Variants in TMEM233 observed in about 807,000 individuals in gnomAD.
The protein encoded by TMEM233 is transmembrane protein 233, also known as dispanin subfamily B member 2.
Under a neutral mutation model 11.2 loss-of-function variants are expected in TMEM233, and 6 were observed. The ratio of observed to expected loss-of-function variants is 0.54; its 90% confidence interval spans 0.29 to 1.06. The LOEUF is 1.06. Ranked by LOEUF, TMEM233 falls within the 50% of genes least tolerant of loss-of-function variation. TMEM233 has a pLI of 0.08. For missense variants in TMEM233, 127 were observed against 144.7 expected (o/e 0.88, Z 0.63); for synonymous variants, 59 against 55.8 (o/e 1.06, Z -0.26).
At chr12:119,601,321 T>C (rs1954158866) in intron 1 of TMEM233, among the ~76,000 whole-genome samples, 1 of 152,132 alleles carries the variant, frequency 6.6e-6, no homozygotes, top group Non-Finnish European at 1.5e-5. Context: ...ACATATGGAC[T>C]AACAATGGCT....
chr12:119,617,603 GT>G (rs1954561828), intron 1 of TMEM233, among the ~76,000 whole-genome samples: 1 of 152,170 alleles, frequency 6.6e-6, no homozygotes, highest in Non-Finnish European at 1.5e-5. Flanking sequence ...AGAGGCCAAG[GT>G]GGGCAGATTA....
chr12:119,635,488 G>GT (rs1450369418), intron 2 of TMEM233, among the ~76,000 whole-genome samples: 1 of 152,218 alleles, frequency 6.6e-6, no homozygotes, highest in Non-Finnish European at 1.5e-5. Context: ...AAGATAAACA[G>GT]TTTTTCTTCT....
rs1954128378 is a variant in TMEM233, at chr12:119,600,023, T to C, written c.186+5989T>C. The stretch of plus-strand genomic sequence containing the variant: ...TGACCAGTCCAAAAGAAAAAATCTT[T>C]AGGAGTCCTCCAGAGAGAGGATGCA... On this transcript the variant is annotated intron_variant, in intron 1 of 2. Coordinates refer to ENST00000426426, the MANE Select transcript of TMEM233 (RefSeq NM_001136534.3). Among the ~76,000 whole-genome samples, 3 of 152,194 alleles carry C rather than the reference T, an allele frequency of 2.0e-5. No individual in the cohort carries two copies. In the South Asian group the frequency reaches 6.2e-4, roughly 32 times the overall value.
At chr12:119,636,084 T>C (rs1445164876) in intron 2 of TMEM233, among the ~76,000 whole-genome samples, 1 of 152,060 alleles carries the variant, frequency 6.6e-6, no homozygotes, top group East Asian at 1.9e-4. Context: ...AGGCCATTTG[T>C]CCTCCCTGGA....
chr12:119,604,518 A>G (rs1954226505), intron 1 of TMEM233, among the ~76,000 whole-genome samples: 1 of 152,212 alleles, frequency 6.6e-6, no homozygotes, highest in Non-Finnish European at 1.5e-5. Flanking sequence ...TACAGCTGCT[A>G]TTGATATGGG....
intron 1 of TMEM233, among the ~76,000 whole-genome samples, chr12:119,601,593 G>A (rs1243566215): frequency 6.7e-6 from 1 of 149,674 alleles, no homozygotes; most frequent in Non-Finnish European, 1.5e-5. Flanking sequence ...GAGAGCCGGA[G>A]CTTGCAGTGA....
chr12:119,594,428 C>T lies in TMEM233; in HGVS notation c.186+394C>T. 5.2e-6 allele frequency: 1 copy of T among 193,004 alleles called. No homozygotes were observed. 12.0% of individuals were successfully genotyped at this position (193,004 alleles called of 1,614,324 possible). On this transcript the variant is annotated intron_variant, in intron 1 of 2. Transcript: ENST00000426426. The surrounding 1 kb of genome is among the most constrained non-coding windows in gnomAD (Gnocchi z 5.6). ...AGAGCCCCAGTGCGCGCCACCCTAGCGAGCGCAGTAAGCTCATACCCCGAG... is the reference window on the plus strand; with the variant it reads ...AGAGCCCCAGTGCGCGCCACCCTAGTGAGCGCAGTAAGCTCATACCCCGAG...
At chr12:119,613,208 T>G (rs1954443314) in intron 1 of TMEM233, among the ~76,000 whole-genome samples, 3 of 97,686 alleles carry the variant, frequency 3.1e-5, no homozygotes. Flanking sequence ...CCAAGAAGCC[T>G]GTTCCAAAAA....
At chr12:119,599,435 A>T (rs939291158) in intron 1 of TMEM233, among the ~76,000 whole-genome samples, 15 of 52,658 alleles carry the variant, frequency 2.8e-4, no homozygotes, top group Admixed American at 1.9e-3. Flanking sequence ...CCAGAATTTT[A>T]AAAAAAATCG....
chr12:119,600,652 T>C (rs1329488313), intron 1 of TMEM233, among the ~76,000 whole-genome samples: 1 of 152,196 alleles, frequency 6.6e-6, no homozygotes, highest in Non-Finnish European at 1.5e-5. Flanking sequence ...TGGATGAACC[T>C]TGAAAATACT....
At chr12:119,616,712 A>C (rs918571859) in intron 1 of TMEM233, among the ~76,000 whole-genome samples, 1 of 152,188 alleles carries the variant, frequency 6.6e-6, no homozygotes, top group Non-Finnish European at 1.5e-5. Flanking sequence ...CTTGAATTGT[A>C]GCTCCCATAA....
chr12:119,620,674 A>G (rs539906602), intron 1 of TMEM233, among the ~76,000 whole-genome samples: 1 of 152,252 alleles, frequency 6.6e-6, no homozygotes, highest in East Asian at 1.9e-4. Context: ...TTGCACCATA[A>G]CAAATCAAGA....
intron 2 of TMEM233, among the ~76,000 whole-genome samples, chr12:119,635,508 TCAACA>T (rs758076814): frequency 6.6e-6 from 1 of 152,144 alleles, no homozygotes; most frequent in African/African-American, 2.4e-5. Context: ...TCTTATACAC[TCAACA>T]CAACACACAG....
rs1954009819 is a variant in TMEM233 at position 119,595,055 on chromosome 12, G to A, written c.186+1021G>A. On this transcript the variant is annotated intron_variant, in intron 1 of 2. Coordinates refer to ENST00000426426, the MANE Select transcript of TMEM233 (RefSeq NM_001136534.3). This position sits in a 1 kb window ranked among gnomAD's most constrained non-coding sequence, Gnocchi z 4.3. ...CGCCTCTCTAGGAGTGGCCGCTGGG[G>A]CCTCTAGTCCGCCCTTCCGGAGCTC... 6.6e-6 allele frequency among the ~76,000 whole-genome samples: 1 copy of A among 152,220 alleles called. No individual in the cohort carries two copies. Among genetic ancestry groups the A allele is most frequent in the South Asian group, 2.1e-4 (1 of 4,836 alleles).
chr12:119,628,661 G>C (rs1015897822), intron 1 of TMEM233, among the ~76,000 whole-genome samples: 1 of 151,734 alleles, frequency 6.6e-6, no homozygotes, highest in Non-Finnish European at 1.5e-5. Context: ...CACCACGCCC[G>C]GCTAATTTTT....
the TMEM233 span, among the ~76,000 whole-genome samples, chr12:119,650,670 T>A: frequency 6.6e-6 from 1 of 152,014 alleles, no homozygotes; most frequent in African/African-American, 2.4e-5. Flanking sequence ...TGAGACGGAG[T>A]CTCGCTCTGT....
At chr12:119,613,265 T>C (rs1269338941) in intron 1 of TMEM233, among the ~76,000 whole-genome samples, 4 of 150,614 alleles carry the variant, frequency 2.7e-5, no homozygotes, top group Non-Finnish European at 5.9e-5. Flanking sequence ...CCTAGCTGTA[T>C]GAATTTTTTC....
At chr12:119,622,105 C>T (rs1954655217) in intron 1 of TMEM233, among the ~76,000 whole-genome samples, 1 of 152,202 alleles carries the variant, frequency 6.6e-6, no homozygotes, top group Admixed American at 6.5e-5. Flanking sequence ...GACAGACTGA[C>T]TCTGTTATTC....
chr12:119,635,663 C>A (rs1001759813), intron 2 of TMEM233, among the ~76,000 whole-genome samples: 2 of 152,084 alleles, frequency 1.3e-5, no homozygotes, highest in Non-Finnish European at 2.9e-5. Context: ...ATGGTTTGGT[C>A]CCCCAAGACT....
Sources: gnomAD v4.1 joint callset for allele counts (sites outside exome capture counted in the v4.1 genomes callset) on GRCh38, gnomAD v4.1.1 for gene constraint, Gnocchi (gnomAD v3.1) non-coding constraint, MANE v1.5 for transcripts, NCBI Gene and HGNC (gene_info 2026-07-23, HGNC 2026-07-21) for gene names.